Variants in SLA observed in about 807,000 individuals in gnomAD.
SLA encodes Src like adaptor.
A neutral mutation model predicts 30.3 loss-of-function variants in SLA; 16 were observed. That is an observed-to-expected ratio of 0.53 (90% CI 0.36 to 0.80). The LOEUF (loss-of-function observed/expected upper bound fraction) is 0.80, where lower values mean the gene tolerates loss of function less well. Among genes scored for constraint, SLA ranks in the 30% least tolerant of loss-of-function variants. The pLI, the probability that SLA is intolerant of heterozygous loss-of-function variation, is 0.01. For synonymous variants in SLA, 143 were observed against 137.8 expected (o/e 1.04, Z -0.26); for missense variants, 310 against 345.2 (o/e 0.90, Z 0.81).
chr8:133,069,974 C>T lies in SLA; in HGVS notation c.-41+4879G>A, dbSNP rs547687219. On this transcript the variant is annotated intron_variant, in intron 2 of 8. Transcript: ENST00000338087. ...CGAGATTGTGCCACTGAACTTCAGT[C>T]GGGGTGACAGAGCAAGGCTCCAGCT... 1.7e-4 allele frequency among the ~76,000 whole-genome samples: 20 copies of T among 117,506 alleles called. No homozygotes were observed. The East Asian group carries it at 5.1e-3, about 30-fold the overall frequency. 77.1% of individuals were successfully genotyped at this position (117,506 alleles called of 152,430 possible).
intron 3 of SLA, among the ~76,000 whole-genome samples, chr8:133,054,547 T>C (rs1043021148): frequency 1.3e-5 from 2 of 152,226 alleles, no homozygotes; most frequent in Non-Finnish European, 2.9e-5. Flanking sequence ...AGGGCCTGCC[T>C]TAGTAAGTGG....
intron 2 of SLA, chr8:133,063,961 G>A (rs1399473796): frequency 1.3e-5 from 2 of 152,190 alleles, no homozygotes; most frequent in South Asian, 2.1e-4. Flanking sequence ...AGAGGGTACC[G>A]GAGACATAAT....
rs536766009 is a variant in SLA at position 133,039,127 on chromosome 8, C to T, written c.618-390G>A. On this transcript the variant is annotated intron_variant, in intron 8 of 8. Coordinates refer to ENST00000338087, the MANE Select transcript of SLA (RefSeq NM_001045556.3). ...CTCCTGACCTTAGGTGATCTGCCCA[C>T]CTCAGCCTCCCAAAGTGCTGGGGTT... is the stretch of plus-strand genomic sequence containing the variant. 3.9e-5 allele frequency among the ~76,000 whole-genome samples: 6 copies of T among 152,318 alleles called. No individual in the cohort carries two copies. In the South Asian group the frequency reaches 1.0e-3, roughly 26 times the overall value.
chr8:133,070,093 C>T (rs1358646361), intron 2 of SLA, among the ~76,000 whole-genome samples: 1 of 151,280 alleles, frequency 6.6e-6, no homozygotes, highest in Non-Finnish European at 1.5e-5. Context: ...CCTAGGAGAC[C>T]GCGGATTTGT....
At chr8:133,080,225 G>T (rs1224640294) in intron 1 of SLA, among the ~76,000 whole-genome samples, 1 of 152,166 alleles carries the variant, frequency 6.6e-6, no homozygotes, top group African/African-American at 2.4e-5. Flanking sequence ...TGTGTTCAAG[G>T]AGCAGACAGA....
chr8:133,058,817 G>A (rs923474943), intron 3 of SLA, among the ~76,000 whole-genome samples: 3 of 152,174 alleles, frequency 2.0e-5, no homozygotes, highest in African/African-American at 4.8e-5. Context: ...TTGGTCCTGG[G>A]GAATATTCTT....
At chr8:133,054,533 T>G (rs1356227048) in intron 3 of SLA, among the ~76,000 whole-genome samples, 2 of 152,318 alleles carry the variant, frequency 1.3e-5, no homozygotes, top group Non-Finnish European at 1.5e-5. Flanking sequence ...ATGCATTGCA[T>G]TTTAGGGCCT....
At chr8:133,039,929 C>T in intron 8 of SLA, 69 bp downstream of exon 8, 1 of 1,518,956 alleles carries the variant, frequency 6.6e-7, no homozygotes, top group South Asian at 1.2e-5. Context: ...GTTTTGTGCT[C>T]ACATGTTCAC....
intron 5 of SLA, 67 bp downstream of exon 5, chr8:133,049,835 G>T (rs538701509): frequency 1.6e-5 from 17 of 1,047,116 alleles, no homozygotes; most frequent in East Asian, 2.4e-5. Flanking sequence ...TGGAATCTTT[G>T]TTCCACCTTA....
chr8:133,045,210 G>T, intron 6 of SLA, 95 bp from the exon 7 acceptor site: 2 of 1,338,410 alleles, frequency 1.5e-6, no homozygotes, highest in South Asian at 1.3e-5. Context: ...AGGGAGACCT[G>T]CCCACCCTTG....
At chr8:133,050,080 A>AGGG (rs1840122572) in intron 4 of SLA, 92 bp from the exon 5 acceptor site, 2 of 853,174 alleles carry the variant, frequency 2.3e-6, no homozygotes, top group Non-Finnish European at 4.1e-6. Context: ...AACCCAGGAC[A>AGGG]GTTTGGAACA....
intron 3 of SLA, among the ~76,000 whole-genome samples, chr8:133,052,042 C>T (rs1306767857): frequency 6.6e-6 from 1 of 152,154 alleles, no homozygotes; most frequent in Non-Finnish European, 1.5e-5. Context: ...GGTTCGCTCA[C>T]CCCAAGATCT....
chr8:133,038,180 A>G lies in SLA; in HGVS notation c.*344T>C, dbSNP rs1250922491. ...GGAGTGTAACTGTCTGGACAGGTCC[A>G]GTTCCTTGGAGAGCAGTCCTGGTGC... On this transcript the variant is annotated 3_prime_UTR_variant, in exon 9 of 9. Coordinates refer to ENST00000338087, the MANE Select transcript of SLA (RefSeq NM_001045556.3). The G allele has an allele frequency of 3.1e-6, 1 of 321,404 alleles. No individual in the cohort carries two copies. Among genetic ancestry groups the G allele is most frequent in the Non-Finnish European group, 5.9e-6 (1 of 169,404 alleles). 19.9% of individuals were successfully genotyped at this position (321,404 alleles called of 1,614,324 possible). A position where few individuals can be genotyped will look rare whatever the true frequency, so the allele number is the denominator to read the frequency against.
chr8:133,088,698 T>G (rs1847003887), intron 1 of SLA, among the ~76,000 whole-genome samples: 1 of 152,210 alleles, frequency 6.6e-6, no homozygotes, highest in Non-Finnish European at 1.5e-5. Context: ...CTTCTTCAAA[T>G]CCTACATTTC....
At position 133,060,246 on chromosome 8, in the gene SLA, C is replaced by T. The variant is rs1038251296; in HGVS notation, c.-40-46G>A. On this transcript the variant is annotated intron_variant, in intron 2 of 8. Transcript: ENST00000338087. ...GGGGAAAGTCAACCGTGCCCTGAGCCCTCCAAGTGGAGAATGACCCAGTTT... is the reference window on the plus strand; with the variant it reads ...GGGGAAAGTCAACCGTGCCCTGAGCTCTCCAAGTGGAGAATGACCCAGTTT... The T allele has an allele frequency of 9.9e-6, 16 of 1,611,852 alleles. No homozygotes were observed. The highest frequency in any genetic ancestry group is 1.6e-4 in the Middle Eastern group (1 of 6,082).
At chr8:133,056,861 C>T (rs1030664594) in intron 3 of SLA, among the ~76,000 whole-genome samples, 1 of 152,154 alleles carries the variant, frequency 6.6e-6, no homozygotes, top group African/African-American at 2.4e-5. Flanking sequence ...CTGTGGTCTG[C>T]AAGCTTTAGG....
chr8:133,046,846 A>C (rs1395413698), intron 6 of SLA, among the ~76,000 whole-genome samples: 1 of 152,210 alleles, frequency 6.6e-6, no homozygotes, highest in Non-Finnish European at 1.5e-5. Flanking sequence ...TTCTGAAAGC[A>C]AGGCTGATGC....
intron 2 of SLA, among the ~76,000 whole-genome samples, chr8:133,061,518 T>G (rs1402897340): frequency 6.6e-6 from 1 of 152,182 alleles, no homozygotes; most frequent in Non-Finnish European, 1.5e-5. Context: ...GAAAGGGACA[T>G]AGATTATCAG....
chr8:133,091,199 AG>A (rs1215898883), intron 1 of SLA, among the ~76,000 whole-genome samples: 2 of 152,216 alleles, frequency 1.3e-5, no homozygotes, highest in Non-Finnish European at 2.9e-5. Flanking sequence ...CACTGCTGCA[AG>A]GGCTTTGTAG....
Sources: gnomAD v4.1 joint callset for allele counts (sites outside exome capture counted in the v4.1 genomes callset) on GRCh38, gnomAD v4.1.1 for gene constraint, MANE v1.5 for transcripts, NCBI Gene and HGNC (gene_info 2026-07-23, HGNC 2026-07-21) for gene names.